Variants in LDLRAD4 observed in about 807,000 individuals in gnomAD.
LDLRAD4 encodes low-density lipoprotein receptor class A domain-containing protein 4.
In LDLRAD4, 5 loss-of-function variants were observed where a neutral mutation model predicts 17.0. The observed-to-expected ratio is 0.29, with a 90% confidence interval of 0.15 to 0.62. The LOEUF (loss-of-function observed/expected upper bound fraction) is 0.62. Among genes scored for constraint, LDLRAD4 ranks in the 20% least tolerant of loss-of-function variants. The pLI, the probability that LDLRAD4 is intolerant of heterozygous loss-of-function variation, is 0.84. For synonymous variants in LDLRAD4, 168 were observed against 171.8 expected (o/e 0.98, Z 0.17); for missense variants, 340 against 424.7 (o/e 0.80, Z 1.75).
rs927148010 is a variant in LDLRAD4, at chr18:13,622,574, A to G, written c.336+1303A>G. ...TGTGTTACTTTCCTCGAGCCTCCAC[A>G]GCATCCTGGGGTCCTTTGTCTGGTG... On this transcript the variant is annotated intron_variant, in intron 4 of 5. Transcript: ENST00000359446. The surrounding 1 kb of genome is among the most constrained non-coding windows in gnomAD (Gnocchi z 5.3). 6.6e-6 allele frequency among the ~76,000 whole-genome samples: 1 copy of G among 152,170 alleles called. No homozygotes were observed. Among genetic ancestry groups the G allele is most frequent in the African/African-American group, 2.4e-5 (1 of 41,434 alleles).
intron 3 of LDLRAD4, among the ~76,000 whole-genome samples, chr18:13,583,006 G>A (rs1241102513): frequency 2.0e-5 from 3 of 152,110 alleles, no homozygotes; most frequent in Admixed American, 1.3e-4. Flanking sequence ...GTGAGCCACC[G>A]CGTCTTGCTT....
intron 4 of LDLRAD4, among the ~76,000 whole-genome samples, chr18:13,627,890 C>T (rs1023339078): frequency 2.0e-5 from 3 of 152,194 alleles, no homozygotes; most frequent in Admixed American, 6.5e-5. Context: ...GCCAGGAGCC[C>T]GCTGTGCTGG....
rs145164762 is a variant in LDLRAD4, at chr18:13,316,342, A to G, written c.-383+38154A>G. On this transcript the variant is annotated intron_variant, in intron 1 of 5. Transcript: ENST00000359446. ...AAATGACAGTCTTTAAAGTGGAGAA[A>G]GTAACTCTTTTCCTAGAATTCTATT... Among the ~76,000 whole-genome samples the G allele has an allele frequency of 4.5e-4, 69 of 152,370 alleles. 2 individuals carry two copies. In the East Asian group the frequency reaches 0.012, roughly 26 times the overall value.
At chr18:13,322,294 T>TG (rs1380690409) in intron 1 of LDLRAD4, among the ~76,000 whole-genome samples, 56 of 143,332 alleles carry the variant, frequency 3.9e-4, no homozygotes, top group Middle Eastern at 3.5e-3. Context: ...TTCTCACTTT[T>TG]TTTTTTTTTT....
At position 13,622,588 on chromosome 18, in the gene LDLRAD4, C is replaced by T. The variant is rs992722555; in HGVS notation, c.336+1317C>T. Among the ~76,000 whole-genome samples the T allele has an allele frequency of 2.0e-5, 3 of 152,188 alleles. No individual in the cohort carries two copies. Among genetic ancestry groups the T allele is most frequent in the Non-Finnish European group, 4.4e-5 (3 of 68,030 alleles). ...CGAGCCTCCACAGCATCCTGGGGTC[C>T]TTTGTCTGGTGTCCACAGAGCTGCG... On this transcript the variant is annotated intron_variant, in intron 4 of 5. Transcript: ENST00000359446. The surrounding 1 kb of genome is among the most constrained non-coding windows in gnomAD (Gnocchi z 5.3).
intron 3 of LDLRAD4, among the ~76,000 whole-genome samples, chr18:13,536,093 C>A (rs535487657): frequency 6.6e-6 from 1 of 152,124 alleles, no homozygotes. Context: ...GTTCTCCAAC[C>A]TTATCCCTTT....
chr18:13,627,504 C>T (rs910309153), intron 4 of LDLRAD4, among the ~76,000 whole-genome samples: 2 of 152,132 alleles, frequency 1.3e-5, no homozygotes, highest in African/African-American at 4.8e-5. Flanking sequence ...AGAAAATTTT[C>T]TTCTGCACTC....
intron 3 of LDLRAD4, among the ~76,000 whole-genome samples, chr18:13,557,645 C>T (rs2094498026): frequency 6.6e-6 from 1 of 152,232 alleles, no homozygotes; most frequent in Non-Finnish European, 1.5e-5. Flanking sequence ...CATGATCTGC[C>T]TACCTTGGCC....
chr18:13,331,650 CTAAA>C (rs1380323046), intron 1 of LDLRAD4, among the ~76,000 whole-genome samples: 3 of 152,118 alleles, frequency 2.0e-5, no homozygotes, highest in Non-Finnish European at 2.9e-5. Context: ...TTTTCATTTC[CTAAA>C]TAAACTGCAC....
intron 1 of LDLRAD4, among the ~76,000 whole-genome samples, chr18:13,333,841 C>T (rs1014368859): frequency 6.6e-6 from 1 of 152,220 alleles, no homozygotes. Flanking sequence ...GTAGTGCTAG[C>T]ACATTGAATT....
chr18:13,424,245 T>C (rs2089740559), intron 2 of LDLRAD4, among the ~76,000 whole-genome samples: 1 of 152,142 alleles, frequency 6.6e-6, no homozygotes, highest in Admixed American at 6.5e-5. Context: ...TATACAGCTG[T>C]AATATTTAAT....
chr18:13,471,724 A>G (rs2092779451), intron 3 of LDLRAD4: 2 of 152,514 alleles, frequency 1.3e-5, no homozygotes, highest in South Asian at 4.1e-4. Flanking sequence ...AGGATGGAGC[A>G]GCTCACAGTG....
chr18:13,644,148 AAC>A (rs1467925308), intron 5 of LDLRAD4, among the ~76,000 whole-genome samples: 1 of 152,194 alleles, frequency 6.6e-6, no homozygotes, highest in Non-Finnish European at 1.5e-5. Flanking sequence ...ACAAAGAAAA[AAC>A]AGTCATTTTG....
At chr18:13,409,665 G>A (rs1417860813) in intron 2 of LDLRAD4, among the ~76,000 whole-genome samples, 2 of 152,166 alleles carry the variant, frequency 1.3e-5, no homozygotes, top group Non-Finnish European at 2.9e-5. Context: ...TCTTAGATTA[G>A]GGACAGCTTG....
chr18:13,567,806 T>C (rs2094627080), intron 3 of LDLRAD4, among the ~76,000 whole-genome samples: 1 of 152,144 alleles, frequency 6.6e-6, no homozygotes. Context: ...GACACAGTGA[T>C]AATGGTGTCA....
In LDLRAD4 at chr18:13,645,206, C is replaced by T. The variant is rs2042956887; in HGVS notation, c.470C>T (p.Pro157Leu). 8.1e-6 allele frequency: 13 copies of T among 1,613,998 alleles called. No individual in the cohort carries two copies. The highest frequency in any genetic ancestry group is 1.0e-5 in the Non-Finnish European group (12 of 1,180,004). The change falls in exon 6 of 6, where the codon CCC becomes CTC. Residue 157 changes from proline to leucine, a missense_variant. Pro to Leu is a moderately conservative substitution (Grantham distance 98, BLOSUM62 -3). Coordinates refer to ENST00000359446, the Ensembl canonical transcript of LDLRAD4. This position sits in a 1 kb window ranked among gnomAD's most constrained non-coding sequence, Gnocchi z 5.7. Reference sequence around the variant, plus strand: ...AGGGATCGCTTCAGCCGCTTCCAGCCCACCTACCCCTATGTGCAGCACGAG... The same window carrying T: ...AGGGATCGCTTCAGCCGCTTCCAGCTCACCTACCCCTATGTGCAGCACGAG...
At chr18:13,484,378 G>A (rs1445616162) in intron 3 of LDLRAD4, among the ~76,000 whole-genome samples, 1 of 152,176 alleles carries the variant, frequency 6.6e-6, no homozygotes, top group Non-Finnish European at 1.5e-5. Flanking sequence ...TGAGGCAGAC[G>A]GGTCACTTAA....
intron 1 of LDLRAD4, among the ~76,000 whole-genome samples, chr18:13,255,235 G>A (rs567461328): frequency 2.0e-4 from 31 of 152,308 alleles, no homozygotes; most frequent in African/African-American, 7.2e-4. Flanking sequence ...AGCAGGTGCT[G>A]TTGGATACAC....
At chr18:13,296,901 C>T (rs2046309773) in intron 1 of LDLRAD4, among the ~76,000 whole-genome samples, 1 of 152,136 alleles carries the variant, frequency 6.6e-6, no homozygotes, top group South Asian at 2.1e-4. Flanking sequence ...GCTTTGAGGG[C>T]AGGCTGACCA....
Sources: allele counts gnomAD v4.1 joint callset (sites outside exome capture counted in the v4.1 genomes callset), GRCh38; gene constraint gnomAD v4.1.1; non-coding constraint Gnocchi (gnomAD v3.1); transcripts MANE v1.5; gene names NCBI Gene and HGNC (gene_info 2026-07-23, HGNC 2026-07-21).